The following SULT1E1 variants were observed in gnomAD, a reference collection of about 807,000 sequenced individuals.
SULT1E1 encodes sulfotransferase 1E1.
A neutral mutation model predicts 33.6 loss-of-function variants in SULT1E1; 36 were observed. The observed-to-expected ratio is 1.07, with a 90% CI of 0.82 to 1.41. The LOEUF (loss-of-function observed/expected upper bound fraction) is 1.41. Ranked by LOEUF, SULT1E1 falls within the 40% of genes most tolerant of loss-of-function variation. The probability of loss-of-function intolerance (pLI) is 0.00; values close to 1 mark genes in which losing one functional copy is unlikely to be tolerated. For synonymous variants in SULT1E1, 121 were observed against 111.7 expected (o/e 1.08, Z -0.53); for missense variants, 371 against 345.7 (o/e 1.07, Z -0.58).
the SULT1E1 span, among the ~76,000 whole-genome samples, chr4:69,831,625 A>C: frequency 6.6e-6 from 1 of 152,160 alleles, no homozygotes; most frequent in South Asian, 2.1e-4. Flanking sequence ...CGTACATTCC[A>C]ATGGAGTGGG....
the SULT1E1 span, among the ~76,000 whole-genome samples, chr4:69,834,004 A>G: frequency 6.6e-6 from 1 of 152,122 alleles, no homozygotes; most frequent in African/African-American, 2.4e-5. Context: ...GCTTAGCTTT[A>G]GTTGTACCAG....
chr4:69,823,011 G>A, the SULT1E1 span, among the ~76,000 whole-genome samples: 2 of 152,208 alleles, frequency 1.3e-5, no homozygotes, highest in Non-Finnish European at 2.9e-5. Context: ...GTGGTATGAG[G>A]AAATACAGCA....
Position 69,857,538 on chromosome 4 carries a change from C to G in SULT1E1, c.107G>C (p.Arg36Thr), listed in dbSNP as rs140959829. The G allele has an allele frequency of 1.9e-5, 31 of 1,612,066 alleles. No individual in the cohort carries two copies. The African/African-American group carries it at 3.7e-4, about 19-fold the overall frequency. The change falls in exon 2 of 8, where the codon AGA becomes ACA. Residue 36 changes from arginine (R) to threonine (T), a missense_variant. By Grantham distance (71) the Arg-to-Thr change is moderately conservative. Coordinates refer to ENST00000226444, the MANE Select transcript of SULT1E1 (RefSeq NM_005420.3). ...GGTGGCAATGACAAGATCATCTGGT[C>G]TTGCCTGGAACGCTTCCACATTATC... is the stretch of plus-strand genomic sequence containing the variant. ...YWDNVEAFQA[R>T]PDDLVIATYP... is the part of the protein sequence containing the mutation.
chr4:69,856,783 A>C (rs1000812700), intron 2 of SULT1E1, among the ~76,000 whole-genome samples: 8 of 151,902 alleles, frequency 5.3e-5, no homozygotes, highest in African/African-American at 1.9e-4. Context: ...AAAATACAAA[A>C]AAATTAGCCA....
At chr4:69,857,684 A>G (rs1443055550) in intron 1 of SULT1E1, 31 bp from the exon 2 acceptor site, 1 of 1,547,292 alleles carries the variant, frequency 6.5e-7, no homozygotes, top group African/African-American at 1.4e-5. Context: ...TATACTTTGT[A>G]TGTACTTAAC....
intron 4 of SULT1E1, 48 bp from the exon 5 acceptor site, chr4:69,849,611 C>T (rs770819349): frequency 2.1e-5 from 32 of 1,499,880 alleles, no homozygotes; most frequent in Non-Finnish European, 1.1e-5. Flanking sequence ...TTTTTTCAAA[C>T]AGTCTCATCA....
intron 6 of SULT1E1, among the ~76,000 whole-genome samples, chr4:69,847,434 T>C (rs1271697055): frequency 6.6e-6 from 1 of 151,512 alleles, no homozygotes; most frequent in Non-Finnish European, 1.5e-5. Flanking sequence ...GTGTGTGTTA[T>C]TGATTCATGA....
the SULT1E1 span, among the ~76,000 whole-genome samples, chr4:69,826,976 G>T: frequency 6.6e-6 from 1 of 151,716 alleles, no homozygotes; most frequent in Non-Finnish European, 1.5e-5. Context: ...AACAAGCAAA[G>T]AAATCTCCAA....
At chr4:69,842,496 T>G (rs1232342716) in intron 7 of SULT1E1, among the ~76,000 whole-genome samples, 1 of 152,314 alleles carries the variant, frequency 6.6e-6, no homozygotes, top group South Asian at 2.1e-4. Flanking sequence ...CTACATGATT[T>G]TGCCACCTGA....
At chr4:69,844,137 C>A (rs369254973) in intron 7 of SULT1E1, 24 bp downstream of exon 7, 79 of 1,612,194 alleles carry the variant, frequency 4.9e-5, no homozygotes, top group Admixed American at 6.7e-5. Flanking sequence ...CCTCTAGTAT[C>A]GAGGCAAACC....
At chr4:69,829,608 C>T in the SULT1E1 span, among the ~76,000 whole-genome samples, 1 of 152,162 alleles carries the variant, frequency 6.6e-6, no homozygotes, top group African/African-American at 2.4e-5. Flanking sequence ...ATTCCCTTGC[C>T]ACCCAAATGT....
At chr4:69,829,735 G>A in the SULT1E1 span, among the ~76,000 whole-genome samples, 6 of 152,180 alleles carry the variant, frequency 3.9e-5, no homozygotes, top group South Asian at 2.1e-4. Flanking sequence ...CTCTTTGACC[G>A]ATAGAAAGGC....
At chr4:69,854,078 T>C (rs35942703) in intron 4 of SULT1E1, 139 bp downstream of exon 4, 2 of 518,310 alleles carry the variant, frequency 3.9e-6, no homozygotes, top group African/African-American at 3.9e-5. Context: ...TCTGACAATA[T>C]TGACTGTATT....
chr4:69,854,317 G>T lies in SULT1E1; in HGVS notation c.272-3C>A. The T allele has an allele frequency of 6.3e-7, 1 of 1,592,312 alleles. No individual in the cohort carries two copies. The highest frequency in any genetic ancestry group is 8.6e-7 in the Non-Finnish European group (1 of 1,167,206). On this transcript the variant is annotated splice_polypyrimidine_tract_variant and splice_region_variant and intron_variant, in intron 3 of 7. Coordinates refer to ENST00000226444, the MANE Select transcript of SULT1E1 (RefSeq NM_005420.3). ...CATCTCATCTAATTGTTTTACTCCT[G>T]ATTTTTAAAAAAGTAAAGGTTAAGC... is the stretch of plus-strand genomic sequence containing the variant.
rs114580710 is a variant in SULT1E1, at chr4:69,859,324, T to G, written c.-10+725A>C. 6.0e-3 allele frequency among the ~76,000 whole-genome samples: 912 copies of G among 152,206 alleles called. 10 individuals are homozygous for G. The highest frequency in any genetic ancestry group is 0.021 in the African/African-American group (875 of 41,560). On this transcript the variant is annotated intron_variant, in intron 1 of 7. Transcript: ENST00000226444. Reference sequence around the variant, plus strand: ...ATCCAGCAAATACTCCCTATGTGAATGCCTACCCTTTTCCTAGGCCCTGTA... The same window carrying G: ...ATCCAGCAAATACTCCCTATGTGAAGGCCTACCCTTTTCCTAGGCCCTGTA...
chr4:69,824,595 G>A, the SULT1E1 span, among the ~76,000 whole-genome samples: 1 of 152,102 alleles, frequency 6.6e-6, no homozygotes, highest in Non-Finnish European at 1.5e-5. Context: ...TTCTTGGTCG[G>A]GTGGGGACTT....
intron 3 of SULT1E1, 58 bp downstream of exon 3, chr4:69,855,243 T>G: frequency 1.9e-6 from 3 of 1,544,624 alleles, no homozygotes; most frequent in Non-Finnish European, 1.8e-6. Flanking sequence ...GCTTGTACCA[T>G]GTACATACAC....
intron 2 of SULT1E1, among the ~76,000 whole-genome samples, chr4:69,856,622 A>C (rs1721241660): frequency 6.6e-6 from 1 of 152,150 alleles, no homozygotes; most frequent in South Asian, 2.1e-4. Context: ...GAAAATAAAG[A>C]AGCAGATTTA....
downstream of SULT1E1, among the ~76,000 whole-genome samples, chr4:69,840,576 A>G (rs1212418693): frequency 6.6e-6 from 1 of 152,216 alleles, no homozygotes; most frequent in African/African-American, 2.4e-5. Context: ...TACAATATTT[A>G]CATTTGTTGG....
Sources: allele counts gnomAD v4.1 joint callset (sites outside exome capture counted in the v4.1 genomes callset), GRCh38; gene constraint gnomAD v4.1.1; transcripts MANE v1.5; gene names NCBI Gene and HGNC (gene_info 2026-07-23, HGNC 2026-07-21).